DOCK4: variants seen among roughly 807,000 people sequenced by gnomAD.
The protein encoded by DOCK4 is dedicator of cytokinesis 4.
DOCK4 carries 97 observed loss-of-function variants against 268.1 expected under a neutral mutation model. The observed-to-expected ratio is 0.36, with a 90% CI of 0.31 to 0.43. The LOEUF is 0.43. Among genes scored for constraint, DOCK4 ranks in the 20% least tolerant of loss-of-function variants. The probability of loss-of-function intolerance (pLI) is 1.00; values close to 1 mark genes in which losing one functional copy is unlikely to be tolerated. For synonymous variants in DOCK4, 954 were observed against 887.2 expected, an observed-to-expected ratio of 1.08 and a Z score of -1.34; for missense variants, 2,145 against 2,455.7, an observed-to-expected ratio of 0.87 and a Z score of 2.67.
chr7:111,808,771 G>C (rs758803686), intron 30 of DOCK4, 50 bp downstream of exon 30: 1 of 1,561,672 alleles, frequency 6.4e-7, no homozygotes, highest in Admixed American at 1.8e-5. Context: ...ACACTTCAAG[G>C]TACAGCGAGG....
intron 1 of DOCK4, among the ~76,000 whole-genome samples, chr7:112,128,004 G>A (rs1353532915): frequency 6.6e-6 from 1 of 152,178 alleles, no homozygotes; most frequent in African/African-American, 2.4e-5. Flanking sequence ...ACTCCAGCCT[G>A]GGCAACAGAG....
chr7:111,910,458 C>T (rs1586342504), intron 13 of DOCK4, among the ~76,000 whole-genome samples: 1 of 152,212 alleles, frequency 6.6e-6, no homozygotes, highest in South Asian at 2.1e-4. Flanking sequence ...ATGTACGATA[C>T]TTGCCAGCTT....
intron 1 of DOCK4, among the ~76,000 whole-genome samples, chr7:112,048,211 T>C (rs1376082478): frequency 6.6e-6 from 1 of 151,842 alleles, no homozygotes; most frequent in African/African-American, 2.4e-5. Context: ...CTATACATCA[T>C]AATTAAACGA....
chr7:111,745,411 G>A (rs908046432), intron 44 of DOCK4, among the ~76,000 whole-genome samples: 6 of 152,002 alleles, frequency 3.9e-5, no homozygotes, highest in South Asian at 2.1e-4. Flanking sequence ...GGCCAGGCGC[G>A]GTGGCTCACG....
At chr7:112,205,040 G>A (rs928088518) in intron 1 of DOCK4, among the ~76,000 whole-genome samples, 3 of 152,102 alleles carry the variant, frequency 2.0e-5, no homozygotes, top group African/African-American at 4.8e-5. Context: ...CGGAGAGCCT[G>A]GCTTCTTAAT....
chr7:111,822,221 C>T (rs905221649), intron 27 of DOCK4, 141 bp downstream of exon 27: 1 of 631,660 alleles, frequency 1.6e-6, no homozygotes, highest in African/African-American at 1.9e-5. Flanking sequence ...TAATTCTAAA[C>T]AAGTGGTAAC....
At chr7:112,058,541 C>A (rs1381913254) in intron 1 of DOCK4, among the ~76,000 whole-genome samples, 1 of 152,150 alleles carries the variant, frequency 6.6e-6, no homozygotes, top group Non-Finnish European at 1.5e-5. Flanking sequence ...AAATTTGTCA[C>A]CTGCTCCCTG....
chr7:111,990,000 T>C (rs954719664), intron 5 of DOCK4, among the ~76,000 whole-genome samples: 3 of 152,240 alleles, frequency 2.0e-5, no homozygotes, highest in African/African-American at 7.2e-5. Flanking sequence ...AACTTCAATC[T>C]GAATTTCAGT....
intron 12 of DOCK4, among the ~76,000 whole-genome samples, chr7:111,922,398 A>C (rs1793216939): frequency 6.6e-6 from 1 of 152,202 alleles, no homozygotes; most frequent in Non-Finnish European, 1.5e-5. Flanking sequence ...TAATTGACTT[A>C]AATACTAAAT....
intron 5 of DOCK4, among the ~76,000 whole-genome samples, chr7:111,989,782 T>C (rs1258310521): frequency 6.6e-6 from 1 of 152,216 alleles, no homozygotes; most frequent in East Asian, 1.9e-4. Context: ...GTGGAATTCA[T>C]TTAAGCTCTG....
intron 1 of DOCK4, among the ~76,000 whole-genome samples, chr7:112,116,260 T>A (rs1447418629): frequency 6.6e-6 from 1 of 152,312 alleles, no homozygotes; most frequent in South Asian, 2.1e-4. Flanking sequence ...TGAAATCATA[T>A]AATGTGTGAC....
chr7:111,825,745 AAAAG>A (rs1318774029), intron 26 of DOCK4, among the ~76,000 whole-genome samples: 1 of 152,208 alleles, frequency 6.6e-6, no homozygotes, highest in Admixed American at 6.5e-5. Context: ...TTCAAGATAA[AAAAG>A]AAACAGGGAG....
intron 1 of DOCK4, among the ~76,000 whole-genome samples, chr7:112,188,181 A>G (rs949792251): frequency 6.6e-6 from 1 of 152,250 alleles, no homozygotes; most frequent in Non-Finnish European, 1.5e-5. Flanking sequence ...GTCTGGTAGA[A>G]GAGACCAGCA....
At position 112,132,823 on chromosome 7, in the gene DOCK4, C is replaced by T. The variant is rs74710747; in HGVS notation, c.37+73279G>A. ...CTCCTGGTTTAAACTTCTACTTGGG[C>T]ACCTGGCCCACAGCTTGACAGACCC... On this transcript the variant is annotated intron_variant, in intron 1 of 52. Transcript: ENST00000428084. 6.0e-3 allele frequency among the ~76,000 whole-genome samples: 914 copies of T among 152,234 alleles called. 10 individuals are homozygous for T. Among genetic ancestry groups the T allele is most frequent in the African/African-American group, 0.021 (857 of 41,526 alleles).
intron 39 of DOCK4, among the ~76,000 whole-genome samples, chr7:111,761,262 G>A (rs1797387723): frequency 1.3e-5 from 2 of 152,124 alleles, no homozygotes; most frequent in African/African-American, 4.8e-5. Flanking sequence ...GTTTCACTGT[G>A]TTGGCCAGGC....
At chr7:112,018,429 T>C (rs1453372851) in intron 1 of DOCK4, among the ~76,000 whole-genome samples, 1 of 152,182 alleles carries the variant, frequency 6.6e-6, no homozygotes, top group Non-Finnish European at 1.5e-5. Context: ...TCAGCACTTA[T>C]CAATTATAAA....
At chr7:112,166,291 G>T (rs1817606175) in intron 1 of DOCK4, among the ~76,000 whole-genome samples, 1 of 151,910 alleles carries the variant, frequency 6.6e-6, no homozygotes, top group Admixed American at 6.6e-5. Flanking sequence ...ATGCTCTTGG[G>T]GTATGACTGA....
At position 111,844,767 on chromosome 7, in the gene DOCK4, A is replaced by G. The variant is rs368978248; in HGVS notation, c.2732T>C (p.Val911Ala). 11 of 1,612,890 alleles carry G rather than the reference A, an allele frequency of 6.8e-6. No individual in the cohort carries two copies. In the African/African-American group the frequency reaches 1.1e-4, roughly 16 times the overall value. ...SSAMRFQFQD[V>A]TGEFVACLLS... ...CCATCTGCTCTATGATCTTACAGTGACATCCTGGAACTGGAACCGCATTGC... is the reference window on the plus strand; with the variant it reads ...CCATCTGCTCTATGATCTTACAGTGGCATCCTGGAACTGGAACCGCATTGC... The change falls in exon 25 of 53, where the codon GTC (valine) becomes GCC (alanine). Residue 911 changes from valine (V) to alanine (A), a missense_variant. This residue lies in a region of DOCK4 where 1,598 missense variants were observed against 1,986.7 expected (regional missense o/e 0.80). Transcript: ENST00000428084.
chr7:111,992,742 T>C (rs116264642), intron 5 of DOCK4, among the ~76,000 whole-genome samples: 2,953 of 152,318 alleles, frequency 0.019, 59 homozygotes, highest in East Asian at 0.05. Context: ...TGTGTTCTAG[T>C]TCAGCTAATG....
Sources: gnomAD v4.1 joint callset for allele counts (sites outside exome capture counted in the v4.1 genomes callset) on GRCh38, gnomAD v4.1.1 for gene constraint, gnomAD v4.1.1 regional missense constraint, MANE v1.5 for transcripts, NCBI Gene and HGNC (gene_info 2026-07-23, HGNC 2026-07-21) for gene names.